PHKA1: variants seen among roughly 807,000 people sequenced by gnomAD.
The protein encoded by PHKA1 is phosphorylase b kinase regulatory subunit alpha, skeletal muscle isoform.
Under a neutral mutation model 110.2 loss-of-function variants are expected in PHKA1, and 60 were observed. The ratio of observed to expected loss-of-function variants is 0.54; its 90% CI spans 0.44 to 0.68. PHKA1 has a LOEUF of 0.68. Ranked by LOEUF, PHKA1 falls within the 30% of genes least tolerant of loss-of-function variation. PHKA1 has a pLI of 0.00. For missense variants in PHKA1, 801 were observed against 942.5 expected (o/e 0.85, Z 1.97); for synonymous variants, 316 against 333.6 (o/e 0.95, Z 0.58).
rs148113620 is a variant in PHKA1 at position 72,607,388 on chromosome X, T to C, written c.2607-1769A>G. ...TCCACATCCTTGCCAGCATTTGTTA[T>C]TGCCTGTCTTTTGGATAAAAGCCAT... On this transcript the variant is annotated intron_variant, in intron 23 of 31. Transcript: ENST00000373542. 3.9e-4 allele frequency among the ~76,000 whole-genome samples: 44 copies of C among 112,069 alleles called. No individual in the cohort carries two copies. In the East Asian group the frequency reaches 0.01, roughly 26 times the overall value.
At chrX:72,656,093 C>G (rs1417303086) in intron 10 of PHKA1, 27 bp downstream of exon 10, 1 of 1,205,423 alleles carries the variant, frequency 8.3e-7, no homozygotes, top group Non-Finnish European at 1.1e-6. Flanking sequence ...AAACATTCTG[C>G]TGAAAACTCT....
chrX:72,624,433 A>C (rs1468167466), intron 17 of PHKA1, among the ~76,000 whole-genome samples: 6 of 111,128 alleles, frequency 5.4e-5, no homozygotes, highest in Non-Finnish European at 1.1e-4. Context: ...AGCCTCACTG[A>C]TCCTCACATC....
At chrX:72,672,403 C>T (rs1556309615) in intron 6 of PHKA1, among the ~76,000 whole-genome samples, 1 of 111,618 alleles carries the variant, frequency 9.0e-6, no homozygotes, top group Non-Finnish European at 1.9e-5. Flanking sequence ...CAAGGGGCCC[C>T]ATCTGGTGAG....
At chrX:72,649,862 C>T (rs782228923) in intron 13 of PHKA1, among the ~76,000 whole-genome samples, 13 of 109,413 alleles carry the variant, frequency 1.2e-4, no homozygotes, top group African/African-American at 3.0e-4. Flanking sequence ...CGTGGTGGTG[C>T]GCGACTGTGA....
intron 6 of PHKA1, among the ~76,000 whole-genome samples, chrX:72,667,680 T>A (rs538094756): frequency 8.9e-6 from 1 of 111,867 alleles, no homozygotes; most frequent in African/African-American, 3.2e-5. Flanking sequence ...TAAAAAGGAG[T>A]CTGTAGCACT....
chrX:72,609,382 G>GT (rs1370140170), intron 23 of PHKA1, among the ~76,000 whole-genome samples: 1 of 112,139 alleles, frequency 8.9e-6, no homozygotes, highest in African/African-American at 3.2e-5. Context: ...TACCCTGTTT[G>GT]TTTTGTTTTT....
intron 13 of PHKA1, among the ~76,000 whole-genome samples, chrX:72,649,650 G>A (rs1569440961): frequency 1.8e-5 from 2 of 111,267 alleles, no homozygotes. Context: ...TATGAAGGAG[G>A]CAGGCTTAGC....
At position 72,653,531 on chromosome X, in the gene PHKA1, C is replaced by G; in HGVS notation, c.1042-1G>C. 1 of 1,169,050 alleles carries G rather than the reference C, an allele frequency of 8.6e-7. No homozygotes were observed. Among genetic ancestry groups the G allele is most frequent in the Middle Eastern group, 2.4e-4 (1 of 4,206 alleles). On this transcript the variant is annotated splice_acceptor_variant, in intron 10 of 31. Transcript: ENST00000373542. LOFTEE classifies it high-confidence loss of function. ...CAAGAGCCTCTTTATATTCTTGAAC[C>G]TGCAGATAAAAGAAAGGCAGGAAAA...
chrX:72,626,804 C>A (rs1279853432), intron 17 of PHKA1, among the ~76,000 whole-genome samples, 167 bp downstream of exon 17: 9 of 111,755 alleles, frequency 8.1e-5, no homozygotes, highest in African/African-American at 2.9e-4. Context: ...GTACTGTACT[C>A]ACCTATTTGC....
rs782672862 is a variant in PHKA1 at position 72,678,093 on chromosome X, T to C, written c.538-1943A>G. Among the ~76,000 whole-genome samples the C allele has an allele frequency of 4.5e-5, 5 of 111,525 alleles. No individual in the cohort carries two copies. In the South Asian group the frequency reaches 1.5e-3, roughly 34 times the overall value. ...AAAACACTCCCTTTTTGAACGTTTC[T>C]TCACTTTTTGGCACTGTAAGATGCT... On this transcript the variant is annotated intron_variant, in intron 5 of 31. Transcript: ENST00000373542.
At chrX:72,629,710 T>C (rs2053137198) in intron 16 of PHKA1, among the ~76,000 whole-genome samples, 1 of 111,886 alleles carries the variant, frequency 8.9e-6, no homozygotes, top group East Asian at 2.8e-4. Flanking sequence ...ATTTGTCTAT[T>C]TTCTTCTTCC....
intron 5 of PHKA1, among the ~76,000 whole-genome samples, chrX:72,682,266 C>T (rs1230130759): frequency 3.1e-5 from 3 of 96,998 alleles, no homozygotes; most frequent in African/African-American, 3.7e-5. Flanking sequence ...CCCGGCCAGC[C>T]GCCCCGTCCG....
intron 28 of PHKA1, among the ~76,000 whole-genome samples, chrX:72,600,919 G>T (rs892875317): frequency 3.6e-5 from 4 of 111,724 alleles, no homozygotes; most frequent in African/African-American, 6.5e-5. Flanking sequence ...TCTTCTGGGG[G>T]TTTCAATACT....
rs2052326421 is a variant in PHKA1, at chrX:72,580,975, G to C, written c.*27C>G. The stretch of plus-strand genomic sequence containing the variant: ...CGAGGCAGGGACCAGCTGTCAAAAG[G>C]CTCCCAGAAGCCAGGAACCAAAGCC... On this transcript the variant is annotated 3_prime_UTR_variant, in exon 32 of 32. Transcript: ENST00000373542. The C allele has an allele frequency of 8.4e-7, 1 of 1,193,301 alleles. No individual in the cohort carries two copies. Among genetic ancestry groups the C allele is most frequent in the South Asian group, 1.8e-5 (1 of 55,795 alleles).
At chrX:72,663,217 G>C (rs1344574926) in intron 8 of PHKA1, among the ~76,000 whole-genome samples, 1 of 109,530 alleles carries the variant, frequency 9.1e-6, no homozygotes, top group Non-Finnish European at 1.9e-5. Flanking sequence ...CTTTAACGCA[G>C]AAGAATTCAA....
At chrX:72,666,987 C>A (rs1556306653) in intron 7 of PHKA1, among the ~76,000 whole-genome samples, 1 of 112,147 alleles carries the variant, frequency 8.9e-6, no homozygotes, top group African/African-American at 3.2e-5. Context: ...AAGCCTAGAG[C>A]CAACCAGGAA....
chrX:72,682,364 G>T (rs1603270956), intron 5 of PHKA1, among the ~76,000 whole-genome samples: 1 of 112,550 alleles, frequency 8.9e-6, no homozygotes, highest in African/African-American at 3.2e-5. Context: ...TGCCCGGCCA[G>T]CCGCCCCGTC....
At chrX:72,676,614 AGAT>A (rs1331707292) in intron 5 of PHKA1, among the ~76,000 whole-genome samples, 4 of 111,631 alleles carry the variant, frequency 3.6e-5, no homozygotes, top group Non-Finnish European at 7.5e-5. Context: ...TACATTTTAT[AGAT>A]GATGAAACTG....
At chrX:72,592,576 T>C (rs991198253) in intron 29 of PHKA1, among the ~76,000 whole-genome samples, 2 of 112,554 alleles carry the variant, frequency 1.8e-5, no homozygotes, top group Non-Finnish European at 3.8e-5. Flanking sequence ...CTCCGAACTA[T>C]TACCATCATT....
Sources: allele counts gnomAD v4.1 joint callset (sites outside exome capture counted in the v4.1 genomes callset), GRCh38; gene constraint gnomAD v4.1.1; transcripts MANE v1.5; gene names NCBI Gene and HGNC (gene_info 2026-07-23, HGNC 2026-07-21).